ATP8A2: variants seen among roughly 807,000 people sequenced by gnomAD.
ATP8A2 encodes phospholipid-transporting ATPase IB.
ATP8A2 carries 100 observed loss-of-function variants against 165.6 expected under a neutral mutation model. The ratio of observed to expected loss-of-function variants is 0.60; its 90% CI spans 0.51 to 0.71. The LOEUF (loss-of-function observed/expected upper bound fraction) is 0.71, where lower values mean the gene tolerates loss of function less well. Among genes scored for constraint, ATP8A2 ranks in the 30% least tolerant of loss-of-function variants. The probability of loss-of-function intolerance (pLI) is 0.00; values close to 1 mark genes in which losing one functional copy is unlikely to be tolerated. For synonymous variants in ATP8A2, 543 were observed against 548.8 expected, an observed-to-expected ratio of 0.99 and a Z score of 0.15; for missense variants, 1,227 against 1,479.5, an observed-to-expected ratio of 0.83 and a Z score of 2.80.
intron 27 of ATP8A2, among the ~76,000 whole-genome samples, chr13:25,796,203 C>A (rs1219043656): frequency 6.6e-6 from 1 of 152,132 alleles, no homozygotes; most frequent in Non-Finnish European, 1.5e-5. Context: ...CCTACTTTGG[C>A]CTCCGAAAGT....
chr13:25,415,366 C>A (rs998125855), intron 1 of ATP8A2, among the ~76,000 whole-genome samples: 1 of 152,132 alleles, frequency 6.6e-6, no homozygotes, highest in African/African-American at 2.4e-5. Context: ...CACTTCCCAC[C>A]ATCTGTACAA....
chr13:25,684,282 G>T (rs566336321), intron 24 of ATP8A2, among the ~76,000 whole-genome samples: 1 of 152,166 alleles, frequency 6.6e-6, no homozygotes, highest in Non-Finnish European at 1.5e-5. Flanking sequence ...AAATATTTTT[G>T]CTCCTGCGTT....
chr13:25,379,317 A>G (rs1004402198), intron 1 of ATP8A2, among the ~76,000 whole-genome samples: 5 of 152,232 alleles, frequency 3.3e-5, no homozygotes, highest in Non-Finnish European at 7.3e-5. Context: ...GACTGATTAT[A>G]TAGGAAACTG....
chr13:25,532,445 A>G (rs952137213), intron 5 of ATP8A2, 128 bp downstream of exon 5: 1 of 626,256 alleles, frequency 1.6e-6, no homozygotes. Context: ...AAATAAAGAA[A>G]TAGTAAAATA....
intron 1 of ATP8A2, among the ~76,000 whole-genome samples, chr13:25,390,671 T>A (rs772992416): frequency 3.3e-5 from 5 of 152,190 alleles, no homozygotes; most frequent in Admixed American, 1.3e-4. Context: ...GGCTCACGCC[T>A]GTAATCTCAG....
At chr13:25,968,996 G>A (rs1456670595) in intron 35 of ATP8A2, among the ~76,000 whole-genome samples, 1 of 152,178 alleles carries the variant, frequency 6.6e-6, no homozygotes, top group Non-Finnish European at 1.5e-5. Flanking sequence ...TTACCACAGA[G>A]GAGTTAAAGC....
intron 25 of ATP8A2, among the ~76,000 whole-genome samples, chr13:25,701,555 C>A (rs186529429): frequency 1.3e-5 from 2 of 152,236 alleles, no homozygotes; most frequent in Admixed American, 1.3e-4. Context: ...AAACAAGTAA[C>A]AACGTGGAAA....
chr13:25,860,061 G>T, intron 30 of ATP8A2, 134 bp from the exon 31 acceptor site: 1 of 542,120 alleles, frequency 1.8e-6, no homozygotes, highest in Non-Finnish European at 3.4e-6. Context: ...GTAAGCATTA[G>T]AGTCACAGGA....
Position 25,469,998 on chromosome 13 carries a change from TTCAG to T in ATP8A2, c.221+879_221+882del, listed in dbSNP as rs1433470375. Among the ~76,000 whole-genome samples the T allele has an allele frequency of 1.3e-5, 2 of 152,192 alleles. 1 individual carries two copies. The highest frequency in any genetic ancestry group is 2.9e-5 in the Non-Finnish European group (2 of 68,036). ...AACACCATGCTTGGGTGTAGAGAAG[TTCAG>T]TGATTTATCAGGTTACACATAGATT... On this transcript the variant is annotated intron_variant, in intron 2 of 36. Coordinates refer to ENST00000381655, the MANE Select transcript of ATP8A2 (RefSeq NM_016529.6).
rs796281234 is a variant in ATP8A2, at chr13:25,494,347, G to A, written c.221+25226G>A. Among the ~76,000 whole-genome samples, 9 of 152,286 alleles carry A rather than the reference G, an allele frequency of 5.9e-5. No individual in the cohort carries two copies. In the East Asian group the frequency reaches 9.6e-4, roughly 16 times the overall value. On this transcript the variant is annotated intron_variant, in intron 2 of 36. Transcript: ENST00000381655. Reference sequence around the variant, plus strand: ...AGTAGATGTAATCTCCAAGGTGGGCGGTGGGGGTAGTTGGAGGGATCGCTT... The same window carrying A: ...AGTAGATGTAATCTCCAAGGTGGGCAGTGGGGGTAGTTGGAGGGATCGCTT...
At chr13:25,515,786 A>G (rs548588024) in intron 2 of ATP8A2, among the ~76,000 whole-genome samples, 1 of 152,272 alleles carries the variant, frequency 6.6e-6, no homozygotes, top group South Asian at 2.1e-4. Context: ...CCTGCACATA[A>G]CAGACCTATT....
chr13:25,463,004 G>T (rs1230581317), intron 1 of ATP8A2, among the ~76,000 whole-genome samples: 1 of 152,118 alleles, frequency 6.6e-6, no homozygotes, highest in Non-Finnish European at 1.5e-5. Flanking sequence ...ACGTGGGACG[G>T]CCTGTGTGAC....
intron 24 of ATP8A2, among the ~76,000 whole-genome samples, chr13:25,653,717 A>G (rs532336486): frequency 6.6e-6 from 1 of 152,352 alleles, no homozygotes; most frequent in South Asian, 2.1e-4. Context: ...TGAATGCATG[A>G]ATGCTTGCTT....
chr13:26,000,588 A>G (rs1956612589), intron 35 of ATP8A2, among the ~76,000 whole-genome samples: 1 of 151,640 alleles, frequency 6.6e-6, no homozygotes, highest in Non-Finnish European at 1.5e-5. Context: ...TTTCACCATC[A>G]TTACTGGGGA....
At position 25,551,245 on chromosome 13, in the gene ATP8A2, G is replaced by A; in HGVS notation, c.892-93G>A. On this transcript the variant is annotated intron_variant, in intron 10 of 36. Coordinates refer to ENST00000381655, the MANE Select transcript of ATP8A2 (RefSeq NM_016529.6). ...CAAAAAAATAGTCTTTTACTTGTTG[G>A]TTGTTAAATATGGTTGTTTTACCTC... is the stretch of plus-strand genomic sequence containing the variant. 3 of 1,222,134 alleles carry A rather than the reference G, an allele frequency of 2.5e-6. No individual in the cohort carries two copies. In the East Asian group the frequency reaches 7.2e-5, roughly 29 times the overall value. 75.7% of individuals were successfully genotyped at this position (1,222,134 alleles called of 1,614,324 possible).
chr13:25,823,864 A>T (rs1951241173), intron 27 of ATP8A2, among the ~76,000 whole-genome samples: 1 of 151,974 alleles, frequency 6.6e-6, no homozygotes, highest in African/African-American at 2.4e-5. Flanking sequence ...CTCTTTTTTT[A>T]AAATACATCT....
At position 25,579,812 on chromosome 13, in the gene ATP8A2, G is replaced by A; in HGVS notation, c.1872G>A (p.Leu624=). 1 of 1,545,844 alleles carries A rather than the reference G, an allele frequency of 6.5e-7. No homozygotes were observed. The highest frequency in any genetic ancestry group is 2.1e-4 in the Middle Eastern group (1 of 4,742). The change falls in exon 22 of 37, where the codon TTG becomes TTA. Residue 624 remains leucine, a synonymous_variant. Transcript: ENST00000381655. Reference sequence around the variant, plus strand: ...TCACCAGTGGCTGTCTTGCAGGCTTGCGGACTCTCTGTGTGGCTTATGCTG... The same window carrying A: ...TCACCAGTGGCTGTCTTGCAGGCTTACGGACTCTCTGTGTGGCTTATGCTG... ...CHLEYFATEG[L]RTLCVAYADL...
chr13:25,944,978 A>G (rs570109374), intron 33 of ATP8A2, among the ~76,000 whole-genome samples: 4 of 152,248 alleles, frequency 2.6e-5, no homozygotes, highest in East Asian at 1.9e-4. Context: ...AATAATGTAT[A>G]TAGGCATACC....
chr13:25,798,480 T>C (rs7333192), intron 27 of ATP8A2, among the ~76,000 whole-genome samples: 86,707 of 151,972 alleles, frequency 0.57, 25,004 homozygotes, highest in East Asian at 0.69. Flanking sequence ...AACTGGCCTA[T>C]CCAAAGTACA....
Sources: gnomAD v4.1 joint callset for allele counts (sites outside exome capture counted in the v4.1 genomes callset) on GRCh38, gnomAD v4.1.1 for gene constraint, MANE v1.5 for transcripts, NCBI Gene and HGNC (gene_info 2026-07-23, HGNC 2026-07-21) for gene names.